EBF1: variants seen among roughly 807,000 people sequenced by gnomAD.
The protein encoded by EBF1 is EBF transcription factor 1, also known as transcription factor COE1.
EBF1 carries 10 observed loss-of-function variants against 68.4 expected under a neutral mutation model. The observed-to-expected ratio is 0.15, with a 90% CI of 0.09 to 0.25. The LOEUF is 0.25. EBF1 is among the 10% of genes least tolerant of loss of function. EBF1 has a pLI of 1.00. For missense variants in EBF1, 509 were observed against 794.4 expected (o/e 0.64, Z 4.32); for synonymous variants, 298 against 299.8 (o/e 0.99, Z 0.06).
chr5:158,978,835 C>CACACAGAGAG (rs753714441), intron 6 of EBF1, among the ~76,000 whole-genome samples: 32 of 147,038 alleles, frequency 2.2e-4, no homozygotes, highest in African/African-American at 6.2e-4. Flanking sequence ...CACACACACA[C>CACACAGAGAG]AGAGAGAGAG....
intron 6 of EBF1, among the ~76,000 whole-genome samples, chr5:158,889,499 T>A (rs973488640): frequency 6.6e-6 from 1 of 152,184 alleles, no homozygotes; most frequent in Non-Finnish European, 1.5e-5. Context: ...ACCTCAATGA[T>A]GGCAAAGCTG....
intron 6 of EBF1, among the ~76,000 whole-genome samples, chr5:159,005,973 C>A (rs1389322781): frequency 3.3e-5 from 5 of 152,148 alleles, no homozygotes; most frequent in African/African-American, 1.2e-4. Context: ...AATCATAGCT[C>A]ATGTTTTGCT....
chr5:158,986,097 G>C (rs1174690642), intron 6 of EBF1, among the ~76,000 whole-genome samples: 1 of 152,236 alleles, frequency 6.6e-6, no homozygotes, highest in Non-Finnish European at 1.5e-5. Context: ...GGAGTTGTGT[G>C]ATAAATGCTG....
intron 6 of EBF1, among the ~76,000 whole-genome samples, chr5:158,955,457 T>C (rs763997880): frequency 6.6e-6 from 1 of 152,194 alleles, no homozygotes; most frequent in Non-Finnish European, 1.5e-5. Context: ...CTCCACCTTC[T>C]GCTTTTCATA....
chr5:159,061,119 A>AATT lies in EBF1; in HGVS notation c.554+12274_554+12276dup, dbSNP rs767482582. Among the ~76,000 whole-genome samples, 9 of 151,746 alleles carry AATT rather than the reference A, an allele frequency of 5.9e-5. No homozygotes were observed. In the South Asian group the frequency reaches 6.2e-4, roughly 11 times the overall value. On this transcript the variant is annotated intron_variant, in intron 6 of 15. Coordinates refer to ENST00000313708, the MANE Select transcript of EBF1 (RefSeq NM_024007.5). ...ATGCAGGGTGTGCTGGGTATTTCTT[A>AATT]ATTATTATTATTATTATTATCATAT...
intron 10 of EBF1, among the ~76,000 whole-genome samples, chr5:158,735,982 T>G (rs1001359469): frequency 1.1e-4 from 17 of 152,154 alleles, no homozygotes; most frequent in African/African-American, 3.6e-4. Flanking sequence ...ACACAACTAG[T>G]TTTTATGCAC....
chr5:158,986,687 T>C (rs1231123882), intron 6 of EBF1, among the ~76,000 whole-genome samples: 1 of 152,216 alleles, frequency 6.6e-6, no homozygotes, highest in Non-Finnish European at 1.5e-5. Flanking sequence ...TTGTGGACTT[T>C]TCTCAGTTGT....
chr5:159,078,484 T>G (rs191511537), intron 5 of EBF1, among the ~76,000 whole-genome samples: 1 of 152,350 alleles, frequency 6.6e-6, no homozygotes, highest in East Asian at 1.9e-4. Context: ...ACTGTGTGAC[T>G]GATGGACCTT....
At chr5:158,955,570 T>C (rs1293837849) in intron 6 of EBF1, among the ~76,000 whole-genome samples, 1 of 152,220 alleles carries the variant, frequency 6.6e-6, no homozygotes, top group Non-Finnish European at 1.5e-5. Context: ...GACATCAAAA[T>C]GAATTCCATC....
At chr5:159,005,132 A>G (rs1453617557) in intron 6 of EBF1, among the ~76,000 whole-genome samples, 1 of 152,192 alleles carries the variant, frequency 6.6e-6, no homozygotes, top group Non-Finnish European at 1.5e-5. Context: ...TTCATCCAGA[A>G]CATCCCACAA....
intron 6 of EBF1, among the ~76,000 whole-genome samples, chr5:159,045,436 A>AG (rs1772171409): frequency 7.8e-6 from 1 of 128,606 alleles, no homozygotes; most frequent in Admixed American, 8.1e-5. Flanking sequence ...TAAAAGAAGA[A>AG]GAAAAAAAAA....
chr5:159,094,746 C>T (rs1222590878), intron 4 of EBF1, among the ~76,000 whole-genome samples: 1 of 152,074 alleles, frequency 6.6e-6, no homozygotes, highest in Admixed American at 6.6e-5. Context: ...TTTCTTTCCC[C>T]CACCCAATAA....
At chr5:158,961,524 A>G (rs6871745) in intron 6 of EBF1, among the ~76,000 whole-genome samples, 57,105 of 152,024 alleles carry the variant, frequency 0.38, 11,705 homozygotes, top group Non-Finnish European at 0.46. Flanking sequence ...GAAAAAAGCA[A>G]GTCACAAAAC....
At chr5:158,768,395 TA>T (rs1341838015) in intron 10 of EBF1, among the ~76,000 whole-genome samples, 2 of 152,096 alleles carry the variant, frequency 1.3e-5, no homozygotes, top group African/African-American at 4.8e-5. Context: ...TGATGTAAGA[TA>T]TAATTATTAT....
chr5:158,838,872 T>C (rs1305630706), intron 7 of EBF1, among the ~76,000 whole-genome samples: 1 of 132,236 alleles, frequency 7.6e-6, no homozygotes, highest in Non-Finnish European at 1.6e-5. Flanking sequence ...GAAACTAACA[T>C]TGACCATACA....
intron 6 of EBF1, among the ~76,000 whole-genome samples, chr5:158,976,190 T>C (rs1293994840): frequency 1.3e-5 from 2 of 152,200 alleles, no homozygotes; most frequent in African/African-American, 2.4e-5. Flanking sequence ...TTGGCTTTTT[T>C]CCCCTCTCCT....
chr5:158,833,283 G>T (rs1309412275), intron 7 of EBF1, among the ~76,000 whole-genome samples: 2 of 138,546 alleles, frequency 1.4e-5, no homozygotes, highest in African/African-American at 5.5e-5. Flanking sequence ...TGGCAACAGA[G>T]CCAGACTCCA....
intron 6 of EBF1, among the ~76,000 whole-genome samples, chr5:158,924,111 C>A (rs1343462122): frequency 1.3e-5 from 2 of 152,228 alleles, no homozygotes; most frequent in Admixed American, 6.5e-5. Context: ...CCCTAGCATT[C>A]CACTCCTGGG....
intron 4 of EBF1, among the ~76,000 whole-genome samples, chr5:159,086,302 C>G (rs760874013): frequency 1.3e-5 from 2 of 152,110 alleles, no homozygotes; most frequent in Non-Finnish European, 2.9e-5. Flanking sequence ...ATAAGGAATT[C>G]TCTTACATAA....
Sources: allele counts gnomAD v4.1 joint callset (sites outside exome capture counted in the v4.1 genomes callset), GRCh38; gene constraint gnomAD v4.1.1; transcripts MANE v1.5; gene names NCBI Gene and HGNC (gene_info 2026-07-23, HGNC 2026-07-21).